Variants in ADAM22 observed in about 807,000 individuals in gnomAD.
ADAM22 encodes disintegrin and metalloproteinase domain-containing protein 22.
Under a neutral mutation model 144.6 loss-of-function variants are expected in ADAM22, and 65 were observed. That is an observed-to-expected ratio of 0.45 (90% CI 0.37 to 0.55). The LOEUF is 0.55. Among genes scored for constraint, ADAM22 ranks in the 20% least tolerant of loss-of-function variants. ADAM22 has a pLI of 0.00. For missense variants in ADAM22, 974 were observed against 1,184.9 expected, an observed-to-expected ratio of 0.82 and a Z score of 2.61; for synonymous variants, 391 against 412.6, an observed-to-expected ratio of 0.95 and a Z score of 0.63.
At chr7:88,011,366 C>T (rs199702804) in intron 3 of ADAM22, among the ~76,000 whole-genome samples, 1 of 152,110 alleles carries the variant, frequency 6.6e-6, no homozygotes, top group East Asian at 1.9e-4. Context: ...GGGGTGAAAC[C>T]CGTCTCTACT....
rs1385058103 is a variant in ADAM22 at position 88,007,672 on chromosome 7, G to A, written c.323+29260G>A. Among the ~76,000 whole-genome samples, 6 of 152,260 alleles carry A rather than the reference G, an allele frequency of 3.9e-5. No individual in the cohort carries two copies. The South Asian group carries it at 1.0e-3, about 26-fold the overall frequency. ...GAAAGGATTCCCTATTTAATAAATG[G>A]TGCTGGGAAAACTGGCTAGCCATAT... On this transcript the variant is annotated intron_variant, in intron 3 of 31. Transcript: ENST00000413139.
intron 2 of ADAM22, among the ~76,000 whole-genome samples, chr7:87,954,069 A>G (rs1319437133): frequency 1.3e-5 from 2 of 152,138 alleles, no homozygotes; most frequent in Non-Finnish European, 2.9e-5. Context: ...TGAATACAGC[A>G]CACTGATGGG....
rs766868214 is a variant in ADAM22 at position 88,163,066 on chromosome 7, G to A, written c.1962G>A (p.Gly654=). The A allele has an allele frequency of 4.3e-6, 7 of 1,610,726 alleles. No individual in the cohort carries two copies. The highest frequency in any genetic ancestry group is 2.7e-5 in the African/African-American group (2 of 74,438). ...TAGATCTTGGCTATGTGGAAGATGG[G>A]ACACCTTGTGGTCCCCAAATGATGT... is the stretch of plus-strand genomic sequence containing the variant. ...EDVDLGYVED[G]TPCGPQMMCL... Residue 654 remains glycine, a synonymous_variant, in exon 23 of 32, where the codon GGG becomes GGA. Transcript: ENST00000413139.
At chr7:88,047,648 G>A (rs1179135459) in intron 3 of ADAM22, among the ~76,000 whole-genome samples, 1 of 152,032 alleles carries the variant, frequency 6.6e-6, no homozygotes, top group Non-Finnish European at 1.5e-5. Flanking sequence ...TGAACTGTAT[G>A]TATTCTGAAC....
At chr7:88,100,498 T>C (rs1294959620) in intron 4 of ADAM22, among the ~76,000 whole-genome samples, 1 of 152,214 alleles carries the variant, frequency 6.6e-6, no homozygotes, top group Non-Finnish European at 1.5e-5. Context: ...TTATACTCTG[T>C]ACCTGACCAG....
At chr7:88,142,886 T>G in intron 14 of ADAM22, 140 bp from the exon 15 acceptor site, 1 of 526,622 alleles carries the variant, frequency 1.9e-6, no homozygotes, top group Non-Finnish European at 3.4e-6. Flanking sequence ...TCTTATAGAT[T>G]GAATATAAAT....
At chr7:88,037,973 A>G (rs532505711) in intron 3 of ADAM22, among the ~76,000 whole-genome samples, 1 of 152,320 alleles carries the variant, frequency 6.6e-6, no homozygotes, top group East Asian at 1.9e-4. Flanking sequence ...GTATCTCATA[A>G]GCAGTTTTTT....
chr7:87,979,910 C>T (rs553557481), intron 3 of ADAM22, among the ~76,000 whole-genome samples: 21 of 152,264 alleles, frequency 1.4e-4, no homozygotes, highest in African/African-American at 4.8e-4. Context: ...CCCTTCCATC[C>T]CTCTTTGAAA....
intron 2 of ADAM22, among the ~76,000 whole-genome samples, chr7:87,953,870 T>G (rs1845906316): frequency 6.6e-6 from 1 of 152,244 alleles, no homozygotes; most frequent in African/African-American, 2.4e-5. Context: ...CTCTTCTTGT[T>G]GAATTGATCC....
chr7:88,039,464 A>AATATATATATATATAT (rs1554420479), intron 3 of ADAM22, among the ~76,000 whole-genome samples: 3 of 76,376 alleles, frequency 3.9e-5, no homozygotes, highest in Admixed American at 1.5e-4. Flanking sequence ...AAAAAAAAAA[A>AATATATATATATATAT]ATATATATAT....
intron 4 of ADAM22, among the ~76,000 whole-genome samples, chr7:88,101,486 C>A (rs899332113): frequency 6.6e-6 from 1 of 152,166 alleles, no homozygotes; most frequent in African/African-American, 2.4e-5. Context: ...AGATGTAGCA[C>A]TGAAATACCA....
chr7:87,987,016 T>C (rs945658679), intron 3 of ADAM22, among the ~76,000 whole-genome samples: 6 of 152,206 alleles, frequency 3.9e-5, no homozygotes, highest in Non-Finnish European at 7.3e-5. Context: ...TTGCTAGATA[T>C]AGTCAACACT....
chr7:88,126,981 G>A (rs988759669), intron 8 of ADAM22, among the ~76,000 whole-genome samples: 2 of 151,730 alleles, frequency 1.3e-5, no homozygotes, highest in African/African-American at 4.8e-5. Flanking sequence ...GCTTATAACC[G>A]CATATACGCC....
intron 3 of ADAM22, among the ~76,000 whole-genome samples, chr7:87,981,252 A>G (rs1473272757): frequency 6.6e-6 from 1 of 152,170 alleles, no homozygotes; most frequent in Non-Finnish European, 1.5e-5. Flanking sequence ...GAAATATATA[A>G]CAATTAGGAA....
At chr7:87,963,684 C>G (rs1234231703) in intron 2 of ADAM22, among the ~76,000 whole-genome samples, 1 of 152,130 alleles carries the variant, frequency 6.6e-6, no homozygotes, top group African/African-American at 2.4e-5. Context: ...ATCTGAGCCC[C>G]TGTATGCTCA....
intron 3 of ADAM22, among the ~76,000 whole-genome samples, chr7:88,003,253 C>T (rs941142063): frequency 9.9e-5 from 15 of 152,102 alleles, no homozygotes; most frequent in Non-Finnish European, 2.9e-5. Context: ...TTAAAATTGC[C>T]CTCTTTGTTC....
intron 3 of ADAM22, among the ~76,000 whole-genome samples, chr7:87,984,993 C>T (rs12704381): frequency 0.57 from 85,940 of 151,200 alleles, 25,027 homozygotes; most frequent in African/African-American, 0.68. Flanking sequence ...TTGTTGCATA[C>T]AATGAAAGTC....
chr7:88,168,861 T>C (rs1161842685), intron 25 of ADAM22, among the ~76,000 whole-genome samples: 1 of 152,196 alleles, frequency 6.6e-6, no homozygotes, highest in Non-Finnish European at 1.5e-5. Flanking sequence ...GCCTGCAGCT[T>C]GTGCTAGGCA....
Position 88,082,246 on chromosome 7 carries a change from C to T in ADAM22, c.390+6554C>T, listed in dbSNP as rs192734586. ...AAACCAGCAATGGGGAAAGGATTCC[C>T]TATTTAGTAAATGGTGCTGGGAAAA... On this transcript the variant is annotated intron_variant, in intron 4 of 31. Coordinates refer to ENST00000413139, the MANE Select transcript of ADAM22 (RefSeq NM_001324418.2). 4.2e-4 allele frequency among the ~76,000 whole-genome samples: 64 copies of T among 152,312 alleles called. No homozygotes were observed. The East Asian group carries it at 7.5e-3, about 18-fold the overall frequency.
Sources: gnomAD v4.1 joint callset for allele counts (sites outside exome capture counted in the v4.1 genomes callset) on GRCh38, gnomAD v4.1.1 for gene constraint, MANE v1.5 for transcripts, NCBI Gene and HGNC (gene_info 2026-07-23, HGNC 2026-07-21) for gene names.